The following RIMS2 variants were observed in gnomAD, a reference collection of about 807,000 sequenced individuals.
The protein encoded by RIMS2 is regulating synaptic membrane exocytosis 2.
Under a neutral mutation model 174.4 loss-of-function variants are expected in RIMS2, and 59 were observed. The observed-to-expected ratio is 0.34, with a 90% CI of 0.27 to 0.42. RIMS2 has a LOEUF of 0.42. Among genes scored for constraint, RIMS2 ranks in the 10% least tolerant of loss-of-function variants. The pLI is 1.00. For missense variants in RIMS2, 1,620 were observed against 1,666.3 expected, an observed-to-expected ratio of 0.97 and a Z score of 0.48; for synonymous variants, 606 against 572.5, an observed-to-expected ratio of 1.06 and a Z score of -0.84.
At chr8:104,110,636 A>G (rs1408486478) in intron 19 of RIMS2, among the ~76,000 whole-genome samples, 1 of 152,206 alleles carries the variant, frequency 6.6e-6, no homozygotes, top group African/African-American at 2.4e-5. Flanking sequence ...AAATCAGTCA[A>G]CAAGATAAGA....
chr8:103,512,481 G>T (rs1827014416), intron 1 of RIMS2, among the ~76,000 whole-genome samples: 1 of 152,176 alleles, frequency 6.6e-6, no homozygotes, highest in African/African-American at 2.4e-5. Context: ...ACACAGGTTA[G>T]TGGAGAAAAT....
At chr8:104,236,964 T>C (rs146232755) in intron 19 of RIMS2, among the ~76,000 whole-genome samples, 449 of 152,230 alleles carry the variant, frequency 2.9e-3, no homozygotes, top group African/African-American at 0.01. Context: ...AAACTGGATG[T>C]GGGGGTGCTA....
chr8:104,101,877 A>G (rs1166319078), intron 19 of RIMS2, among the ~76,000 whole-genome samples: 2 of 152,040 alleles, frequency 1.3e-5, no homozygotes, highest in Non-Finnish European at 2.9e-5. Flanking sequence ...TTCTTGAAAC[A>G]TTTTGTCTGC....
chr8:103,643,745 T>A (rs1017679984), intron 1 of RIMS2, among the ~76,000 whole-genome samples: 2 of 152,090 alleles, frequency 1.3e-5, no homozygotes, highest in African/African-American at 4.8e-5. Flanking sequence ...GATTTGGTGG[T>A]AAGTGTAGAG....
intron 1 of RIMS2, among the ~76,000 whole-genome samples, chr8:103,660,753 T>C (rs963101091): frequency 5.3e-5 from 8 of 152,242 alleles, no homozygotes; most frequent in African/African-American, 1.9e-4. Flanking sequence ...AGAATCATAT[T>C]AAATGCTGTG....
intron 19 of RIMS2, among the ~76,000 whole-genome samples, chr8:104,188,273 G>GATAGATAGATA (rs60940097): frequency 0.028 from 3,641 of 130,640 alleles, 93 homozygotes; most frequent in East Asian, 0.055. Flanking sequence ...ATAGATAGAT[G>GATAGATAGATA]GATGAAGTAT....
chr8:104,129,041 A>C (rs952992132), intron 19 of RIMS2, among the ~76,000 whole-genome samples: 1 of 152,198 alleles, frequency 6.6e-6, no homozygotes. Flanking sequence ...CTGAAGAATA[A>C]AGTGGTACAT....
intron 19 of RIMS2, among the ~76,000 whole-genome samples, chr8:104,049,782 G>A (rs1482319901): frequency 6.6e-6 from 1 of 152,138 alleles, no homozygotes; most frequent in African/African-American, 2.4e-5. Flanking sequence ...AAAAGACATA[G>A]TCTACCACTT....
chr8:103,838,110 C>T (rs2098915483), intron 3 of RIMS2, among the ~76,000 whole-genome samples: 1 of 151,962 alleles, frequency 6.6e-6, no homozygotes, highest in Non-Finnish European at 1.5e-5. Context: ...TCATGCCTGG[C>T]TAATTTTTGT....
chr8:103,870,130 C>T (rs1477907488), intron 3 of RIMS2, among the ~76,000 whole-genome samples: 1 of 62,276 alleles, frequency 1.6e-5, no homozygotes, highest in Non-Finnish European at 3.0e-5. Flanking sequence ...GCTATAAGGA[C>T]AGCTGTTTTT....
intron 1 of RIMS2, among the ~76,000 whole-genome samples, chr8:103,647,565 G>T (rs1180921625): frequency 1.3e-5 from 2 of 152,142 alleles, no homozygotes; most frequent in East Asian, 3.9e-4. Context: ...GGCTTTTTTG[G>T]GTTGGTAGGC....
At chr8:103,608,428 G>T (rs974342488) in intron 1 of RIMS2, among the ~76,000 whole-genome samples, 1 of 144,260 alleles carries the variant, frequency 6.9e-6, no homozygotes, top group African/African-American at 2.7e-5. Context: ...GTCTGCAGAG[G>T]TTACTGCTGT....
At chr8:103,870,320 C>G (rs1407345151) in intron 3 of RIMS2, among the ~76,000 whole-genome samples, 1 of 151,880 alleles carries the variant, frequency 6.6e-6, no homozygotes, top group Non-Finnish European at 1.5e-5. Flanking sequence ...ACCCACAACT[C>G]AGTGCTAAGT....
intron 2 of RIMS2, among the ~76,000 whole-genome samples, chr8:103,730,707 T>G (rs1593497): frequency 0.3 from 45,649 of 152,102 alleles, 7,104 homozygotes; most frequent in African/African-American, 0.34. Context: ...ATTTCTTATT[T>G]CTCATTAACA....
intron 1 of RIMS2, among the ~76,000 whole-genome samples, chr8:103,555,538 C>T (rs1222296602): frequency 2.0e-5 from 3 of 151,936 alleles, no homozygotes; most frequent in Non-Finnish European, 2.9e-5. Context: ...TATATGATTT[C>T]AGTGTGTCAA....
At position 103,890,190 on chromosome 8, in the gene RIMS2, G is replaced by A. The variant is rs148343732; in HGVS notation, c.1624+3967G>A. ...AATGAAAGTATAATTGTGGTCATAC[G>A]GATGTGGTCATTTGTGTTGGTTTCA... On this transcript the variant is annotated intron_variant, in intron 4 of 23. Transcript: ENST00000504942. 7.8e-3 allele frequency among the ~76,000 whole-genome samples: 1,192 copies of A among 152,006 alleles called. 13 individuals are homozygous for A. The highest frequency in any genetic ancestry group is 0.019 in the African/African-American group (801 of 41,486).
At chr8:103,815,761 A>C (rs1441493354) in intron 3 of RIMS2, among the ~76,000 whole-genome samples, 1 of 152,202 alleles carries the variant, frequency 6.6e-6, no homozygotes, top group Non-Finnish European at 1.5e-5. Context: ...CATAATTGTT[A>C]GAATTCAGGT....
intron 1 of RIMS2, among the ~76,000 whole-genome samples, chr8:103,563,616 C>T (rs1171737322): frequency 3.3e-5 from 5 of 152,170 alleles, no homozygotes; most frequent in African/African-American, 1.2e-4. Context: ...CTGTTCCAAC[C>T]TCTGCCTGTT....
At chr8:104,204,404 C>T (rs919882018) in intron 19 of RIMS2, among the ~76,000 whole-genome samples, 1 of 151,778 alleles carries the variant, frequency 6.6e-6, no homozygotes, top group African/African-American at 2.4e-5. Context: ...TTTACTTAAT[C>T]GAAAACCTGT....
Sources: gnomAD v4.1 joint callset for allele counts (sites outside exome capture counted in the v4.1 genomes callset) on GRCh38, gnomAD v4.1.1 for gene constraint, MANE v1.5 for transcripts, NCBI Gene and HGNC (gene_info 2026-07-23, HGNC 2026-07-21) for gene names.